Variants in FOXP1 observed in about 807,000 individuals in gnomAD.
FOXP1 encodes forkhead box protein P1.
A neutral mutation model predicts 98.2 loss-of-function variants in FOXP1; 15 were observed. The ratio of observed to expected loss-of-function variants is 0.15; its 90% CI spans 0.10 to 0.24. The LOEUF (loss-of-function observed/expected upper bound fraction) is 0.24. Ranked by LOEUF, FOXP1 falls within the 10% of genes least tolerant of loss-of-function variation. FOXP1 has a pLI of 1.00. For missense variants in FOXP1, 633 were observed against 848.5 expected, an observed-to-expected ratio of 0.75 and a Z score of 3.15; for synonymous variants, 371 against 314.5, an observed-to-expected ratio of 1.18 and a Z score of -1.90.
chr3:71,345,475 TC>T (rs2077279681), intron 4 of FOXP1, among the ~76,000 whole-genome samples: 2 of 151,332 alleles, frequency 1.3e-5, no homozygotes, highest in African/African-American at 2.4e-5. Context: ...AAACCTGGTT[TC>T]CTAACTGAAT....
At chr3:71,362,735 G>A (rs2078658332) in intron 3 of FOXP1, among the ~76,000 whole-genome samples, 1 of 152,196 alleles carries the variant, frequency 6.6e-6, no homozygotes, top group African/African-American at 2.4e-5. Flanking sequence ...CTCCCAAAGT[G>A]CTGGGACTAC....
chr3:71,387,452 T>C (rs2080678138), intron 3 of FOXP1, among the ~76,000 whole-genome samples: 1 of 152,254 alleles, frequency 6.6e-6, no homozygotes, highest in African/African-American at 2.4e-5. Flanking sequence ...AGCTAAGACA[T>C]CTAAAATTGT....
chr3:71,086,274 C>CA (rs2055086907), intron 7 of FOXP1, among the ~76,000 whole-genome samples: 1 of 152,154 alleles, frequency 6.6e-6, no homozygotes, highest in Non-Finnish European at 1.5e-5. Flanking sequence ...TGTCCTTGGC[C>CA]AAGGGGCAAA....
intron 5 of FOXP1, among the ~76,000 whole-genome samples, chr3:71,233,460 C>T (rs2066502581): frequency 6.6e-6 from 1 of 151,912 alleles, no homozygotes; most frequent in South Asian, 2.1e-4. Flanking sequence ...GAGTTTCACT[C>T]TTGTCACCCA....
Position 71,194,224 on chromosome 3 carries a change from A to G in FOXP1, c.180+3978T>C, listed in dbSNP as rs538253193. On this transcript the variant is annotated intron_variant, in intron 6 of 20. Coordinates refer to ENST00000649528, the MANE Select transcript of FOXP1 (RefSeq NM_001349338.3). ...AACTGCAGCAACCAAAGCTCTCTCTATACTGACTTGCAGACAATAAAACTG... is the reference window on the plus strand; with the variant it reads ...AACTGCAGCAACCAAAGCTCTCTCTGTACTGACTTGCAGACAATAAAACTG... Among the ~76,000 whole-genome samples, 5 of 151,306 alleles carry G rather than the reference A, an allele frequency of 3.3e-5. No individual in the cohort carries two copies. In the South Asian group the frequency reaches 8.3e-4, roughly 25 times the overall value.
At chr3:71,546,621 A>G (rs1215103137) in intron 2 of FOXP1, among the ~76,000 whole-genome samples, 2 of 152,078 alleles carry the variant, frequency 1.3e-5, no homozygotes, top group African/African-American at 2.4e-5. Context: ...AAGATACCCA[A>G]CCACCGAGAT....
chr3:71,275,282 C>A (rs1052006559), intron 5 of FOXP1, among the ~76,000 whole-genome samples: 2 of 152,116 alleles, frequency 1.3e-5, no homozygotes, highest in Non-Finnish European at 2.9e-5. Flanking sequence ...TGGGGATGGA[C>A]CATAATTTAG....
intron 3 of FOXP1, among the ~76,000 whole-genome samples, chr3:71,359,619 C>T (rs909865807): frequency 2.1e-4 from 32 of 152,170 alleles, no homozygotes; most frequent in African/African-American, 7.5e-4. Flanking sequence ...ACATTCAGGG[C>T]TCACTGCAGC....
At chr3:71,582,290 G>A (rs569399403) in intron 1 of FOXP1, 1,929 of 977,946 alleles carry the variant, frequency 2.0e-3, no homozygotes, top group South Asian at 5.6e-3. Context: ...TGAAAAGGAG[G>A]GAGGCGGGAG....
At chr3:70,967,700 G>GTTGTTTTT (rs2035202316) in intron 19 of FOXP1, among the ~76,000 whole-genome samples, 1 of 63,628 alleles carries the variant, frequency 1.6e-5, no homozygotes, top group Non-Finnish European at 3.1e-5. Flanking sequence ...TTTTTTTTTT[G>GTTGTTTTT]TTTTTTTTTG....
chr3:71,047,640 A>C (rs1483500516), intron 9 of FOXP1, among the ~76,000 whole-genome samples: 1 of 152,226 alleles, frequency 6.6e-6, no homozygotes. Flanking sequence ...ATAACATTGT[A>C]AATCTTTCAC....
At chr3:71,169,238 G>GT (rs2061530180) in intron 6 of FOXP1, among the ~76,000 whole-genome samples, 1 of 152,162 alleles carries the variant, frequency 6.6e-6, no homozygotes, top group African/African-American at 2.4e-5. Context: ...CAATTCCTGT[G>GT]TTTTGCCTGG....
intron 6 of FOXP1, among the ~76,000 whole-genome samples, chr3:71,187,029 T>G (rs9825176): frequency 0.21 from 32,483 of 152,220 alleles, 3,626 homozygotes; most frequent in East Asian, 0.33. Flanking sequence ...AACAGAACTT[T>G]TATTTACTAG....
chr3:71,066,108 AAAAG>A (rs1459931718), intron 7 of FOXP1, among the ~76,000 whole-genome samples: 4 of 151,746 alleles, frequency 2.6e-5, no homozygotes, highest in East Asian at 1.9e-4. Flanking sequence ...AAAAAAAAAA[AAAAG>A]GCAACAAAAT....
At chr3:71,084,198 A>G (rs944768533) in intron 7 of FOXP1, among the ~76,000 whole-genome samples, 2 of 152,206 alleles carry the variant, frequency 1.3e-5, no homozygotes, top group African/African-American at 4.8e-5. Flanking sequence ...GAAATTCAGT[A>G]AAGTATCTTC....
At chr3:71,446,467 C>T (rs1353182236) in intron 3 of FOXP1, among the ~76,000 whole-genome samples, 2 of 151,968 alleles carry the variant, frequency 1.3e-5, no homozygotes, top group African/African-American at 4.8e-5. Context: ...AGGGAGGGAG[C>T]CAGGCGGCTT....
At chr3:71,196,591 A>T (rs1388743713) in intron 6 of FOXP1, among the ~76,000 whole-genome samples, 1 of 152,226 alleles carries the variant, frequency 6.6e-6, no homozygotes, top group African/African-American at 2.4e-5. Flanking sequence ...GAAATGGGCA[A>T]TCTTGACACT....
chr3:71,085,734 C>CTTTTTTTTTTTTTTTTTTTTTTTT (rs1442095039), intron 7 of FOXP1, among the ~76,000 whole-genome samples: 2 of 3,134 alleles, frequency 6.4e-4, no homozygotes, highest in Non-Finnish European at 1.8e-3. Flanking sequence ...TCATTTATGG[C>CTTTTTTTTTTTTTTTTTTTTTTTT]CTTTTTTTTT....
chr3:71,515,489 T>C (rs891969372), intron 2 of FOXP1, among the ~76,000 whole-genome samples: 12 of 147,256 alleles, frequency 8.1e-5, no homozygotes, highest in Admixed American at 4.8e-4. Flanking sequence ...CCGCAAGTCA[T>C]TGGAATCACG....
Sources: allele counts gnomAD v4.1 joint callset (sites outside exome capture counted in the v4.1 genomes callset), GRCh38; gene constraint gnomAD v4.1.1; transcripts MANE v1.5; gene names NCBI Gene and HGNC (gene_info 2026-07-23, HGNC 2026-07-21).